The following EBF1 variants were observed in gnomAD, a reference collection of about 807,000 sequenced individuals.
The protein encoded by EBF1 is transcription factor COE1.
In EBF1, 10 loss-of-function variants were observed where a neutral mutation model predicts 68.4. The ratio of observed to expected loss-of-function variants is 0.15; its 90% CI spans 0.09 to 0.25. The LOEUF (loss-of-function observed/expected upper bound fraction) is 0.25, where lower values mean the gene tolerates loss of function less well. EBF1 is among the 10% of genes least tolerant of loss of function. The pLI is 1.00. For missense variants in EBF1, 509 were observed against 794.4 expected (o/e 0.64, Z 4.32); for synonymous variants, 298 against 299.8 (o/e 0.99, Z 0.06).
intron 6 of EBF1, among the ~76,000 whole-genome samples, chr5:158,848,043 A>G (rs1162399121): frequency 2.6e-5 from 4 of 152,236 alleles, no homozygotes; most frequent in Non-Finnish European, 5.9e-5. Context: ...AGCAGTTACT[A>G]CAGCAAACAC....
chr5:158,851,720 G>A (rs1350865459), intron 6 of EBF1, among the ~76,000 whole-genome samples: 2 of 93,478 alleles, frequency 2.1e-5, no homozygotes, highest in African/African-American at 8.1e-5. Flanking sequence ...AGAAGGGAAG[G>A]AAAGAAAGGA....
At chr5:158,840,720 G>A (rs1790153992) in intron 6 of EBF1, among the ~76,000 whole-genome samples, 1 of 131,608 alleles carries the variant, frequency 7.6e-6, no homozygotes, top group Non-Finnish European at 1.6e-5. Context: ...CGCCCAGGCT[G>A]GAGTGCAGTG....
At chr5:158,903,602 T>TAA (rs896775890) in intron 6 of EBF1, among the ~76,000 whole-genome samples, 1 of 148,388 alleles carries the variant, frequency 6.7e-6, no homozygotes, top group African/African-American at 2.5e-5. Flanking sequence ...CTTTTTCACT[T>TAA]AAAAAAAAAA....
intron 6 of EBF1, among the ~76,000 whole-genome samples, chr5:158,858,387 T>C (rs1432350253): frequency 6.6e-6 from 1 of 152,094 alleles, no homozygotes; most frequent in East Asian, 1.9e-4. Context: ...CACACACACA[T>C]GCACAGACAC....
chr5:159,003,733 T>A (rs933984629), intron 6 of EBF1, among the ~76,000 whole-genome samples: 2 of 152,226 alleles, frequency 1.3e-5, no homozygotes, highest in African/African-American at 4.8e-5. Context: ...GTGCTCAAAC[T>A]TCATGAATCT....
rs531032819 is a variant in EBF1, at chr5:158,830,137, C to T, written c.637-6820G>A. On this transcript the variant is annotated intron_variant, in intron 7 of 15. Transcript: ENST00000313708. ...GCAGTCCAGATTTGTCCAACACCTC[C>T]TTTTACAGCTTGGAAAACTAAGGCC... Among the ~76,000 whole-genome samples the T allele has an allele frequency of 7.1e-4, 108 of 152,286 alleles. 1 individual carries two copies. Among genetic ancestry groups the T allele is most frequent in the African/African-American group, 2.5e-3 (105 of 41,564 alleles).
At chr5:158,742,666 T>C (rs143737217) in intron 10 of EBF1, among the ~76,000 whole-genome samples, 158 of 152,324 alleles carry the variant, frequency 1.0e-3, no homozygotes, top group African/African-American at 3.8e-3. Flanking sequence ...TGTGGGGTTC[T>C]AGAACAGCGG....
At chr5:159,025,213 A>G (rs1404323638) in intron 6 of EBF1, among the ~76,000 whole-genome samples, 3 of 152,202 alleles carry the variant, frequency 2.0e-5, no homozygotes, top group African/African-American at 7.2e-5. Context: ...GTGGTGGTTT[A>G]TAACTGCCTT....
intron 10 of EBF1, among the ~76,000 whole-genome samples, chr5:158,752,863 C>T (rs1396887953): frequency 6.6e-6 from 1 of 152,034 alleles, no homozygotes; most frequent in Non-Finnish European, 1.5e-5. Context: ...CAGATTGTAA[C>T]TGTTTTATTG....
intron 10 of EBF1, among the ~76,000 whole-genome samples, chr5:158,773,150 G>T (rs1387478807): frequency 3.3e-5 from 5 of 151,812 alleles, no homozygotes; most frequent in Admixed American, 3.3e-4. Context: ...AGAGATGGGA[G>T]AGCAAGAAGA....
chr5:159,003,617 G>A (rs762656221), intron 6 of EBF1, among the ~76,000 whole-genome samples: 28 of 152,296 alleles, frequency 1.8e-4, no homozygotes, highest in African/African-American at 4.8e-4. Context: ...ACATATGCAC[G>A]GATCTGTTTT....
rs1236278308 is a variant in EBF1, at chr5:158,899,637, C to G, written c.555-59527G>C. Among the ~76,000 whole-genome samples, 4 of 152,138 alleles carry G rather than the reference C, an allele frequency of 2.6e-5. No homozygotes were observed. In the East Asian group the frequency reaches 7.7e-4, roughly 29 times the overall value. On this transcript the variant is annotated intron_variant, in intron 6 of 15. Coordinates refer to ENST00000313708, the MANE Select transcript of EBF1 (RefSeq NM_024007.5). ...ATAGGAAATCCTATAATGTAACGAC[C>G]AATGCAATTGGTTAGAAACTCTTAA...
chr5:158,724,150 C>A (rs1762495311), intron 11 of EBF1, among the ~76,000 whole-genome samples: 1 of 152,098 alleles, frequency 6.6e-6, no homozygotes, highest in African/African-American at 2.4e-5. Context: ...GTGTTTTTGA[C>A]AAGAGAATGC....
intron 6 of EBF1, among the ~76,000 whole-genome samples, chr5:158,891,399 G>A (rs1801156015): frequency 6.6e-6 from 1 of 151,978 alleles, no homozygotes; most frequent in Non-Finnish European, 1.5e-5. Context: ...CCTTTTTATT[G>A]ATATATATGT....
chr5:158,852,461 C>T (rs1793144281), intron 6 of EBF1, among the ~76,000 whole-genome samples: 1 of 152,090 alleles, frequency 6.6e-6, no homozygotes, highest in Non-Finnish European at 1.5e-5. Flanking sequence ...AAAATCTCTG[C>T]ATCCCAACAT....
intron 6 of EBF1, among the ~76,000 whole-genome samples, chr5:158,878,993 GA>G (rs1311388146): frequency 6.6e-6 from 1 of 151,908 alleles, no homozygotes; most frequent in Admixed American, 6.6e-5. Flanking sequence ...CCAATAAACA[GA>G]AAAAAAGAAT....
chr5:158,843,585 G>C (rs1456683751), intron 6 of EBF1, among the ~76,000 whole-genome samples: 1 of 152,308 alleles, frequency 6.6e-6, no homozygotes, highest in African/African-American at 2.4e-5. Context: ...ACCATCTGTC[G>C]TGGGGAAGAC....
chr5:158,941,130 A>T (rs1813271248), intron 6 of EBF1: 1 of 452,248 alleles, frequency 2.2e-6, no homozygotes, highest in Admixed American at 2.4e-5. Context: ...AAAAAAGATG[A>T]ACATATGGCA....
chr5:158,697,788 T>C lies in EBF1; in HGVS notation c.*1323A>G, dbSNP rs1755985138. 1 of 208,496 alleles carries C rather than the reference T, an allele frequency of 4.8e-6. No homozygotes were observed. The allele number at this position is 208,496 out of a possible 1,614,324, so 12.9% of individuals were successfully genotyped here. A position where few individuals can be genotyped will look rare whatever the true frequency, so the allele number is the denominator to read the frequency against. ...AAAATCTACAGTATTTATAACTACA[T>C]ACAAAAACACAAGAGCAAAGAAAAA... On this transcript the variant is annotated 3_prime_UTR_variant, in exon 16 of 16. Coordinates refer to ENST00000313708, the MANE Select transcript of EBF1 (RefSeq NM_024007.5).
Sources: allele counts gnomAD v4.1 joint callset (sites outside exome capture counted in the v4.1 genomes callset), GRCh38; gene constraint gnomAD v4.1.1; transcripts MANE v1.5; gene names NCBI Gene and HGNC (gene_info 2026-07-23, HGNC 2026-07-21).